The following ROS1 variants were observed in gnomAD, a reference collection of about 807,000 sequenced individuals.
ROS1 encodes proto-oncogene tyrosine-protein kinase ROS.
A neutral mutation model predicts 273.5 loss-of-function variants in ROS1; 263 were observed. The ratio of observed to expected loss-of-function variants is 0.96; its 90% CI spans 0.87 to 1.06. The LOEUF (loss-of-function observed/expected upper bound fraction) is 1.06. Among genes scored for constraint, ROS1 ranks in the 50% least tolerant of loss-of-function variants. ROS1 has a pLI of 0.00. For missense variants in ROS1, 2,833 were observed against 2,751.1 expected, an observed-to-expected ratio of 1.03 and a Z score of -0.67; for synonymous variants, 1,008 against 954.1, an observed-to-expected ratio of 1.06 and a Z score of -1.04.
intron 5 of ROS1, among the ~76,000 whole-genome samples, chr6:117,406,968 T>C (rs193044325): frequency 6.6e-5 from 10 of 152,192 alleles, no homozygotes; most frequent in Admixed American, 2.0e-4. Context: ...AAATACTCCA[T>C]GGCTCCTCAT....
intron 26 of ROS1, among the ~76,000 whole-genome samples, chr6:117,354,471 A>G (rs192535246): frequency 1.3e-5 from 2 of 152,338 alleles, no homozygotes; most frequent in Admixed American, 6.5e-5. Flanking sequence ...ACTAAGACTA[A>G]TGAACGGGAG....
chr6:117,334,477 T>C (rs190992226), intron 32 of ROS1, among the ~76,000 whole-genome samples: 2 of 152,246 alleles, frequency 1.3e-5, no homozygotes, highest in East Asian at 1.9e-4. Flanking sequence ...ACATTCTTCA[T>C]AGAATTAGAA....
At position 117,344,185 on chromosome 6, in the gene ROS1, T is replaced by C. The variant is rs551574654; in HGVS notation, c.4381A>G (p.Arg1461Gly). ...AGGTTTGTCTTGGCCAGAGGTAATCTGATTGTGAGGCTAGTGTTAGTGGCA... is the reference window on the plus strand; with the variant it reads ...AGGTTTGTCTTGGCCAGAGGTAATCCGATTGTGAGGCTAGTGTTAGTGGCA... ...LNATNTSLTI[R>G]LPLAKTNLTW... The change falls in exon 28 of 44, where the codon AGA becomes GGA. Residue 1461 changes from arginine to glycine, a missense_variant. Coordinates refer to ENST00000368507, the MANE Select transcript of ROS1 (RefSeq NM_001378902.1). 39 of 1,614,068 alleles carry C rather than the reference T, an allele frequency of 2.4e-5. No individual in the cohort carries two copies. In the South Asian group the frequency reaches 4.1e-4, roughly 17 times the overall value.
chr6:117,418,875 G>A (rs1775540276), intron 1 of ROS1, among the ~76,000 whole-genome samples: 1 of 152,016 alleles, frequency 6.6e-6, no homozygotes, highest in Non-Finnish European at 1.5e-5. Flanking sequence ...TTAAGAGCAG[G>A]GAGAAAATGC....
In ROS1 at chr6:117,356,907, T is replaced by C. The variant is rs1481438598; in HGVS notation, c.3848A>G (p.Tyr1283Cys). 1.9e-6 allele frequency: 3 copies of C among 1,612,416 alleles called. No individual in the cohort carries two copies. The Admixed American group carries it at 5.0e-5, about 27-fold the overall frequency. The change falls in exon 26 of 44, where the codon TAT (tyrosine) becomes TGT (cysteine). Residue 1283 changes from tyrosine (Y) to cysteine (C), a missense_variant. By Grantham distance (194) the Tyr-to-Cys change is radical. Coordinates refer to ENST00000368507, the MANE Select transcript of ROS1 (RefSeq NM_001378902.1). ...GCCAAAATTGGAAACTTCTGTCCAA[T>C]ACAAGCGACTATAGAGGAAAAAAAA... The part of the protein sequence containing the change: ...FSVYPLLSRL[Y>C]WTEVSNFGYQ...
intron 32 of ROS1, among the ~76,000 whole-genome samples, chr6:117,334,752 T>C (rs1192759398): frequency 6.6e-6 from 1 of 152,216 alleles, no homozygotes; most frequent in East Asian, 1.9e-4. Flanking sequence ...AAGGATCTCC[T>C]ATTTAGTAAA....
At chr6:117,409,919 C>T (rs908214333) in intron 4 of ROS1, among the ~76,000 whole-genome samples, 2 of 152,150 alleles carry the variant, frequency 1.3e-5, no homozygotes, top group Admixed American at 6.5e-5. Context: ...TTAGTACACA[C>T]ATACATGTTG....
Position 117,396,995 on chromosome 6 carries a change from G to T in ROS1, c.726C>A (p.Ile242=). 1 of 1,613,990 alleles carries T rather than the reference G, an allele frequency of 6.2e-7. No individual in the cohort carries two copies. The highest frequency in any genetic ancestry group is 8.5e-7 in the Non-Finnish European group (1 of 1,179,910). ...GPILGYNLRL[I]SKNQKLDAGT... ...CTGCATCTAATTTTTGATTTTTGCT[G>T]ATCAGCCTTAAGTTATAACCCAAAA... The change falls in exon 8 of 44, where the codon ATC becomes ATA. Residue 242 remains isoleucine (I), a synonymous_variant. Transcript: ENST00000368507.
At position 117,288,653 on chromosome 6, in the gene ROS1, G is replaced by A. The variant is rs1773601729; in HGVS notation, c.6865C>T (p.Gln2289Ter). 1.2e-6 allele frequency: 2 copies of A among 1,614,060 alleles called. No homozygotes were observed. Among genetic ancestry groups the A allele is most frequent in the Non-Finnish European group, 8.5e-7 (1 of 1,180,016 alleles). Residue 2289 changes from glutamine (Q) to a stop codon, truncating the protein, a stop_gained, in exon 44 of 44, where the codon CAG (glutamine) becomes TAG (stop). Transcript: ENST00000368507. LOFTEE classifies it high-confidence loss of function. The part of the protein sequence containing the change: ...EEKSEGPLGS[Q>*]ESESCGLRKE... ...CTCAGACCACAAGATTCAGATTCCT[G>A]GGAGCCTAGAGGACCCTCAGACTTT...
chr6:117,425,464 T>C lies in ROS1; in HGVS notation c.123+70A>G, dbSNP rs1319020712. On this transcript the variant is annotated intron_variant, in intron 1 of 43. Coordinates refer to ENST00000368507, the MANE Select transcript of ROS1 (RefSeq NM_001378902.1). ...TCCTCATAAAGAGAAAACAATTCTATCAGTTATAACAAGCTGAATGCTACA... is the reference window on the plus strand; with the variant it reads ...TCCTCATAAAGAGAAAACAATTCTACCAGTTATAACAAGCTGAATGCTACA... 3.5e-6 allele frequency: 5 copies of C among 1,430,208 alleles called. No homozygotes were observed. In the African/African-American group the frequency reaches 5.9e-5, roughly 17 times the overall value. 88.6% of individuals were successfully genotyped at this position (1,430,208 alleles called of 1,614,324 possible).
In ROS1 at chr6:117,385,687, T is replaced by C. The variant is rs2128696360; in HGVS notation, c.2285A>G (p.Tyr762Cys). ...GHFLYWAGKT[Y>C]VIQRQSVLTG... ...GAATGCCATGCTTTAACTCACCACA[T>C]ATGTCTTTCCAGCCCAGTAGAGAAA... Residue 762 changes from tyrosine (Y) to cysteine (C), a missense_variant, in exon 16 of 44, where the codon TAT becomes TGT. By Grantham distance (194) the Tyr-to-Cys change is radical (BLOSUM62 -2). Transcript: ENST00000368507. The C allele has an allele frequency of 6.2e-7, 1 of 1,613,620 alleles. No individual in the cohort carries two copies. Among genetic ancestry groups the C allele is most frequent in the Middle Eastern group, 1.7e-4 (1 of 6,058 alleles).
rs1460321428 is a variant in ROS1 at position 117,365,180 on chromosome 6, A to G, written c.2983T>C (p.Leu995=). The G allele has an allele frequency of 6.2e-7, 1 of 1,609,676 alleles. No individual in the cohort carries two copies. Among genetic ancestry groups the G allele is most frequent in the East Asian group, 2.2e-5 (1 of 44,862 alleles). ...SKFLASEQHS[L]PVFTVEGLEP... Reference sequence around the variant, plus strand: ...AGTCCTTCCACAGTAAATACAGGTAAAGAGTGTTGTTCACTAGCCAAGAAC... The same window carrying G: ...AGTCCTTCCACAGTAAATACAGGTAGAGAGTGTTGTTCACTAGCCAAGAAC... Residue 995 remains leucine (L), a synonymous_variant, in exon 21 of 44, where the codon TTA becomes CTA. Coordinates refer to ENST00000368507, the MANE Select transcript of ROS1 (RefSeq NM_001378902.1).
In ROS1 at chr6:117,383,371, T is replaced by C; in HGVS notation, c.2427A>G (p.Leu809=). 1.2e-6 allele frequency: 2 copies of C among 1,614,092 alleles called. No individual in the cohort carries two copies. The highest frequency in any genetic ancestry group is 1.7e-6 in the Non-Finnish European group (2 of 1,179,944). Residue 809 remains leucine (L), a synonymous_variant, in exon 17 of 44, where the codon CTA becomes CTG. Coordinates refer to ENST00000368507, the MANE Select transcript of ROS1 (RefSeq NM_001378902.1). ...TTLYSVESTR[L]NGESSLVLQT... is the part of the protein sequence containing the mutation. ...GTAGTACAAGGGAACTTTCCCCATT[T>C]AGTCTGGTGCTTTCCACTGAATAGA...
At chr6:117,346,558 C>A (rs547479476) in intron 27 of ROS1, among the ~76,000 whole-genome samples, 2 of 151,660 alleles carry the variant, frequency 1.3e-5, no homozygotes, top group South Asian at 2.1e-4. Flanking sequence ...ACTTCAGATA[C>A]TGCATGGACG....
intron 32 of ROS1, among the ~76,000 whole-genome samples, chr6:117,336,379 G>A (rs972881424): frequency 6.6e-5 from 10 of 151,534 alleles, no homozygotes; most frequent in Non-Finnish European, 1.3e-4. Context: ...GTGTCCATGC[G>A]TTCTCATTGT....
At position 117,387,190 on chromosome 6, in the gene ROS1, C is replaced by T. The variant is rs192359532; in HGVS notation, c.2000-191G>A. ...GTGTAACAAGAATGATCCCATTAAA[C>T]ATACTTTCTGATTTTCACATAAATT... On this transcript the variant is annotated intron_variant, in intron 14 of 43. Transcript: ENST00000368507. Among the ~76,000 whole-genome samples the T allele has an allele frequency of 4.1e-3, 627 of 152,290 alleles. 3 individuals carry two copies. The highest frequency in any genetic ancestry group is 5.8e-3 in the Non-Finnish European group (396 of 68,020).
intron 5 of ROS1, among the ~76,000 whole-genome samples, chr6:117,409,215 AAAAT>A (rs1199693806): frequency 1.6e-4 from 23 of 144,576 alleles, no homozygotes; most frequent in Admixed American, 1.0e-3. Flanking sequence ...AAAGTATAAT[AAAAT>A]AAATAAATAA....
At chr6:117,312,826 T>C (rs1207345374) in intron 39 of ROS1, among the ~76,000 whole-genome samples, 1 of 152,156 alleles carries the variant, frequency 6.6e-6, no homozygotes, top group Non-Finnish European at 1.5e-5. Context: ...GATTAAACTT[T>C]GATCTCAATC....
At chr6:117,376,064 T>C (rs909966562) in intron 18 of ROS1, among the ~76,000 whole-genome samples, 1 of 151,184 alleles carries the variant, frequency 6.6e-6, no homozygotes. Flanking sequence ...GTTAATGAAA[T>C]AAAAAATGGA....
Sources: gnomAD v4.1 joint callset for allele counts (sites outside exome capture counted in the v4.1 genomes callset) on GRCh38, gnomAD v4.1.1 for gene constraint, MANE v1.5 for transcripts, NCBI Gene and HGNC (gene_info 2026-07-23, HGNC 2026-07-21) for gene names.